SOX5: variants seen among roughly 807,000 people sequenced by gnomAD.
SOX5 encodes SRY-box transcription factor 5.
A neutral mutation model predicts 92.0 loss-of-function variants in SOX5; 9 were observed. The ratio of observed to expected loss-of-function variants is 0.10; its 90% confidence interval spans 0.06 to 0.17. The LOEUF (loss-of-function observed/expected upper bound fraction) is 0.17. Ranked by LOEUF, SOX5 falls within the 10% of genes least tolerant of loss-of-function variation. The pLI is 1.00. For synonymous variants in SOX5, 344 were observed against 336.3 expected (o/e 1.02, Z -0.25); for missense variants, 642 against 944.5 (o/e 0.68, Z 4.20).
chr12:23,923,790 T>C (rs1054585908), intron 1 of SOX5, among the ~76,000 whole-genome samples: 4 of 152,198 alleles, frequency 2.6e-5, no homozygotes, highest in Non-Finnish European at 4.4e-5. Context: ...TACGTGATTT[T>C]ATTTATGCTG....
intron 4 of SOX5, among the ~76,000 whole-genome samples, chr12:24,196,734 T>C (rs971097257): frequency 1.3e-5 from 2 of 151,838 alleles, no homozygotes; most frequent in African/African-American, 4.8e-5. Context: ...CAAAACTCCA[T>C]CTCAACAAAA....
chr12:24,337,864 T>C (rs933245400), intron 2 of SOX5, among the ~76,000 whole-genome samples: 2 of 152,226 alleles, frequency 1.3e-5, no homozygotes, highest in Non-Finnish European at 2.9e-5. Context: ...AAACTGTATG[T>C]GGAATGATCT....
intron 1 of SOX5, among the ~76,000 whole-genome samples, chr12:24,474,399 G>A (rs902584685): frequency 6.6e-6 from 1 of 152,172 alleles, no homozygotes; most frequent in Non-Finnish European, 1.5e-5. Flanking sequence ...GGATAACGGT[G>A]TGGATGACCC....
intron 3 of SOX5, among the ~76,000 whole-genome samples, chr12:23,760,559 T>C (rs969894304): frequency 1.3e-5 from 2 of 152,076 alleles, no homozygotes; most frequent in Non-Finnish European, 2.9e-5. Context: ...TTGCCTCTTT[T>C]GCTCACATAT....
chr12:24,068,542 G>C (rs1941170268), intron 4 of SOX5, among the ~76,000 whole-genome samples: 1 of 151,450 alleles, frequency 6.6e-6, no homozygotes, highest in Non-Finnish European at 1.5e-5. Context: ...TTTGCATATG[G>C]TCTGACTCAA....
intron 4 of SOX5, among the ~76,000 whole-genome samples, chr12:24,121,389 A>G (rs978656329): frequency 2.0e-5 from 3 of 152,170 alleles, no homozygotes; most frequent in Non-Finnish European, 2.9e-5. Context: ...ACTAAGAAGG[A>G]TAAGACATCA....
At chr12:24,210,726 T>A (rs7954299) in intron 4 of SOX5, among the ~76,000 whole-genome samples, 2 of 152,234 alleles carry the variant, frequency 1.3e-5, no homozygotes, top group East Asian at 3.9e-4. Context: ...GAGAATTCTG[T>A]GAATTAAAGA....
At chr12:24,197,813 G>T (rs867457185) in intron 4 of SOX5, among the ~76,000 whole-genome samples, 1 of 152,046 alleles carries the variant, frequency 6.6e-6, no homozygotes, top group Non-Finnish European at 1.5e-5. Flanking sequence ...CTGCATCCGC[G>T]TATCCACTGT....
chr12:24,241,994 A>AT (rs1357263701), intron 3 of SOX5, among the ~76,000 whole-genome samples: 1 of 152,138 alleles, frequency 6.6e-6, no homozygotes, highest in Non-Finnish European at 1.5e-5. Flanking sequence ...TGTTTTAATC[A>AT]TTTTTCACTA....
intron 1 of SOX5, among the ~76,000 whole-genome samples, chr12:24,400,170 A>G (rs1009420689): frequency 6.6e-6 from 1 of 152,252 alleles, no homozygotes; most frequent in Non-Finnish European, 1.5e-5. Context: ...TAGAGGAAAA[A>G]TTGGTCTTAA....
chr12:24,367,736 T>C (rs1956315808), intron 2 of SOX5, among the ~76,000 whole-genome samples: 1 of 152,184 alleles, frequency 6.6e-6, no homozygotes, highest in African/African-American at 2.4e-5. Flanking sequence ...AGTTATGATG[T>C]TCAATCTAAA....
chr12:24,219,173 G>A (rs933211384), intron 3 of SOX5, among the ~76,000 whole-genome samples: 1 of 151,952 alleles, frequency 6.6e-6, no homozygotes, highest in Non-Finnish European at 1.5e-5. Flanking sequence ...GAAAGAGGGG[G>A]AATAAGAAGG....
chr12:23,596,887 C>T (rs1023915944), intron 9 of SOX5, among the ~76,000 whole-genome samples: 5 of 152,072 alleles, frequency 3.3e-5, no homozygotes, highest in African/African-American at 1.2e-4. Flanking sequence ...GAATATAATT[C>T]AAAGTCCTGA....
chr12:23,943,920 A>C (rs1260033550), intron 1 of SOX5, among the ~76,000 whole-genome samples: 1 of 152,134 alleles, frequency 6.6e-6, no homozygotes, highest in Non-Finnish European at 1.5e-5. Context: ...GATACAAAAG[A>C]AACAAAAAAC....
chr12:23,794,693 T>C (rs2095533285), intron 3 of SOX5, among the ~76,000 whole-genome samples: 1 of 152,166 alleles, frequency 6.6e-6, no homozygotes, highest in African/African-American at 2.4e-5. Context: ...ATACAAATAA[T>C]TTTTTATTTC....
chr12:23,721,278 T>G (rs1267746356), intron 6 of SOX5, among the ~76,000 whole-genome samples: 1 of 151,634 alleles, frequency 6.6e-6, no homozygotes, highest in Non-Finnish European at 1.5e-5. Context: ...AGAGATGGGG[T>G]TTCTCCATAT....
At chr12:23,712,953 C>T (rs2092183909) in intron 6 of SOX5, among the ~76,000 whole-genome samples, 1 of 152,194 alleles carries the variant, frequency 6.6e-6, no homozygotes, top group African/African-American at 2.4e-5. Flanking sequence ...GTAGGTTGAA[C>T]TGTGTTCCCC....
At chr12:23,780,223 CA>C (rs2095246986) in intron 3 of SOX5, among the ~76,000 whole-genome samples, 2 of 151,928 alleles carry the variant, frequency 1.3e-5, no homozygotes, top group Middle Eastern at 3.4e-3. Flanking sequence ...CTCGTGTCAG[CA>C]GAAAGAGTGC....
chr12:24,390,595 T>G (rs1596211273), intron 1 of SOX5, among the ~76,000 whole-genome samples: 1 of 152,164 alleles, frequency 6.6e-6, no homozygotes, highest in Non-Finnish European at 1.5e-5. Flanking sequence ...TCCAAGTTTC[T>G]AATGTCTATT....
Sources: gnomAD v4.1 joint callset for allele counts (sites outside exome capture counted in the v4.1 genomes callset) on GRCh38, gnomAD v4.1.1 for gene constraint, MANE v1.5 for transcripts, NCBI Gene and HGNC (gene_info 2026-07-23, HGNC 2026-07-21) for gene names.